BICD1: variants seen among roughly 807,000 people sequenced by gnomAD.
BICD1 encodes protein bicaudal D homolog 1.
BICD1 carries 35 observed loss-of-function variants against 92.5 expected under a neutral mutation model. That is an observed-to-expected ratio of 0.38 (90% CI 0.29 to 0.50). The LOEUF is 0.50. Ranked by LOEUF, BICD1 falls within the 20% of genes least tolerant of loss-of-function variation. The pLI is 0.93. For synonymous variants in BICD1, 429 were observed against 465.1 expected, an observed-to-expected ratio of 0.92 and a Z score of 1.00; for missense variants, 950 against 1,189.8, an observed-to-expected ratio of 0.80 and a Z score of 2.97.
chr12:32,126,440 C>A, intron 1 of BICD1, among the ~76,000 whole-genome samples: 1 of 151,474 alleles, frequency 6.6e-6, no homozygotes, highest in Admixed American at 6.6e-5. Context: ...GAAATAGTCA[C>A]CATAGATAGT....
rs371729096 is a variant in BICD1, at chr12:32,328,027, A to G, written c.1572A>G (p.Leu524=). 23 of 1,614,058 alleles carry G rather than the reference A, an allele frequency of 1.4e-5. No individual in the cohort carries two copies. The highest frequency in any genetic ancestry group is 1.9e-5 in the Non-Finnish European group (22 of 1,180,038). Residue 524 remains leucine, a synonymous_variant, in exon 5 of 10, where the codon CTA becomes CTG. Transcript: ENST00000652176. This position sits in a 1 kb window ranked among gnomAD's most constrained non-coding sequence, Gnocchi z 4.4. ...ELAQLYHHVC[L]CNNETPNRVM... ...CTCAGCTTTACCACCATGTGTGTCT[A>G]TGTAATAATGAAACTCCCAACAGGG...
chr12:32,150,264 T>C (rs1265795637), intron 1 of BICD1, among the ~76,000 whole-genome samples: 2 of 152,198 alleles, frequency 1.3e-5, no homozygotes, highest in Non-Finnish European at 2.9e-5. Context: ...CTTAATACTA[T>C]CACATTGGAT....
At chr12:32,108,751 C>A in intron 1 of BICD1, 1 of 633,494 alleles carries the variant, frequency 1.6e-6, no homozygotes, top group Non-Finnish European at 2.9e-6. Flanking sequence ...ATTTGGATGC[C>A]TGTCTACCAA....
At chr12:32,348,503 T>C (rs549087956) in intron 8 of BICD1, among the ~76,000 whole-genome samples, 1 of 152,030 alleles carries the variant, frequency 6.6e-6, no homozygotes, top group Non-Finnish European at 1.5e-5. Context: ...AATTGTTACA[T>C]ATTTAAGAGC....
intron 1 of BICD1, among the ~76,000 whole-genome samples, chr12:32,134,422 TC>T (rs1225890030): frequency 6.6e-6 from 1 of 152,162 alleles, no homozygotes; most frequent in African/African-American, 2.4e-5. Flanking sequence ...GATATTGTGT[TC>T]TAGGTAAAGT....
At chr12:32,336,428 G>T (rs1050313053) in intron 6 of BICD1, among the ~76,000 whole-genome samples, 1 of 152,138 alleles carries the variant, frequency 6.6e-6, no homozygotes, top group Non-Finnish European at 1.5e-5. Context: ...TGAAATCTTG[G>T]TTTTTGCAGG....
intron 1 of BICD1, among the ~76,000 whole-genome samples, chr12:32,158,059 G>A (rs1402861319): frequency 6.6e-6 from 1 of 151,654 alleles, no homozygotes; most frequent in African/African-American, 2.4e-5. Context: ...CCAGCACTTT[G>A]GGAGGCTTAC....
intron 2 of BICD1, among the ~76,000 whole-genome samples, chr12:32,285,293 C>T (rs1251686901): frequency 2.6e-5 from 4 of 152,104 alleles, no homozygotes; most frequent in Non-Finnish European, 5.9e-5. Context: ...AGCATCCTTG[C>T]TCATTTTACC....
rs572173371 is a variant in BICD1, at chr12:32,247,856, A to C, written c.426+31397A>C. 3.3e-5 allele frequency among the ~76,000 whole-genome samples: 5 copies of C among 152,114 alleles called. No homozygotes were observed. In the South Asian group the frequency reaches 1.0e-3, roughly 32 times the overall value. On this transcript the variant is annotated intron_variant, in intron 2 of 9. Transcript: ENST00000652176. ...TCCCAGCACTTTGGGAGGCCAAGGC[A>C]GGCGGATCACCTGAGGTCAGGAGTT...
At chr12:32,201,684 GA>G (rs1186266531) in intron 1 of BICD1, among the ~76,000 whole-genome samples, 4 of 150,030 alleles carry the variant, frequency 2.7e-5, no homozygotes, top group East Asian at 3.9e-4. Flanking sequence ...CCAAGACCCA[GA>G]AAAAAAGTTT....
chr12:32,243,076 A>G (rs1946277477), intron 2 of BICD1, among the ~76,000 whole-genome samples: 1 of 151,670 alleles, frequency 6.6e-6, no homozygotes, highest in South Asian at 2.1e-4. Flanking sequence ...TGCTGTTTGC[A>G]TATATTTTTA....
In BICD1 at chr12:32,292,260, G is replaced by A. The variant is rs139768559; in HGVS notation, c.427-1734G>A. Among the ~76,000 whole-genome samples the A allele has an allele frequency of 2.4e-3, 362 of 152,122 alleles. 1 individual carries two copies. Among genetic ancestry groups the A allele is most frequent in the Non-Finnish European group, 4.2e-3 (283 of 67,982 alleles). On this transcript the variant is annotated intron_variant, in intron 2 of 9. Transcript: ENST00000652176. The stretch of plus-strand genomic sequence containing the variant: ...CCTTGGCGTGTAGATGGGTCACTTC[G>A]GTCTTTGCCTCCATGGTCACGTGGC...
Position 32,337,839 on chromosome 12 carries a change from A to T in BICD1, c.2570+23A>T. 4 of 1,607,344 alleles carry T rather than the reference A, an allele frequency of 2.5e-6. No individual in the cohort carries two copies. Among genetic ancestry groups the T allele is most frequent in the Non-Finnish European group, 3.4e-6 (4 of 1,174,150 alleles). ...AAGGTATGCATGCAGCGATCTTCAT[A>T]GTACGGTGCAGTGGCCAGATTTTAG... On this transcript the variant is annotated intron_variant, in intron 7 of 9. Coordinates refer to ENST00000652176, the MANE Select transcript of BICD1 (RefSeq NM_001714.4). The surrounding 1 kb of genome is among the most constrained non-coding windows in gnomAD (Gnocchi z 4.7).
Position 32,379,514 on chromosome 12 carries a change from G to C in BICD1, c.*1887G>C, listed in dbSNP as rs550532482. 1 of 152,308 alleles carries C rather than the reference G, an allele frequency of 6.6e-6. No homozygotes were observed. Among genetic ancestry groups the C allele is most frequent in the South Asian group, 2.1e-4 (1 of 4,824 alleles). The allele number at this position is 152,308 out of a possible 1,614,324, so 9.4% of individuals were successfully genotyped here. On this transcript the variant is annotated 3_prime_UTR_variant, in exon 10 of 10. Transcript: ENST00000652176. ...CCCAACCATAGCAGCCTAACCTTCTGCTCTTTTCTACCTGCATGGCCTTGC... is the reference window on the plus strand; with the variant it reads ...CCCAACCATAGCAGCCTAACCTTCTCCTCTTTTCTACCTGCATGGCCTTGC...
At chr12:32,220,922 T>C (rs1945497858) in intron 2 of BICD1, among the ~76,000 whole-genome samples, 1 of 146,944 alleles carries the variant, frequency 6.8e-6, no homozygotes, top group Non-Finnish European at 1.5e-5. Context: ...CCATAAAAAA[T>C]GATGAGTTCA....
At chr12:32,260,539 A>G (rs1428068126) in intron 2 of BICD1, among the ~76,000 whole-genome samples, 1 of 152,208 alleles carries the variant, frequency 6.6e-6, no homozygotes, top group Non-Finnish European at 1.5e-5. Context: ...ATAGATATGC[A>G]TATACATATA....
At chr12:32,145,746 G>A (rs575952094) in intron 1 of BICD1, among the ~76,000 whole-genome samples, 1 of 152,244 alleles carries the variant, frequency 6.6e-6, no homozygotes, top group Admixed American at 6.5e-5. Flanking sequence ...GTAAATGCAG[G>A]ATTTTAAGGA....
chr12:32,232,648 C>A, intron 2 of BICD1, among the ~76,000 whole-genome samples: 1 of 152,072 alleles, frequency 6.6e-6, no homozygotes, highest in Non-Finnish European at 1.5e-5. Flanking sequence ...GTGTTTTATA[C>A]ATGAAGTCCT....
At chr12:32,252,897 G>T (rs942593163) in intron 2 of BICD1, among the ~76,000 whole-genome samples, 2 of 152,010 alleles carry the variant, frequency 1.3e-5, no homozygotes, top group Non-Finnish European at 2.9e-5. Context: ...TTTGAGACAG[G>T]GTCTTACTCT....
Sources: gnomAD v4.1 joint callset for allele counts (sites outside exome capture counted in the v4.1 genomes callset) on GRCh38, gnomAD v4.1.1 for gene constraint, Gnocchi (gnomAD v3.1) non-coding constraint, MANE v1.5 for transcripts, NCBI Gene and HGNC (gene_info 2026-07-23, HGNC 2026-07-21) for gene names.